Variants in SAYSD1 observed in about 807,000 individuals in gnomAD.
SAYSD1 encodes SAYSvFN domain-containing protein 1.
In SAYSD1, 15 loss-of-function variants were observed where a neutral mutation model predicts 14.5. That is an observed-to-expected ratio of 1.03 (90% CI 0.69 to 1.59). The LOEUF (loss-of-function observed/expected upper bound fraction) is 1.59, where lower values mean the gene tolerates loss of function less well. Ranked by LOEUF, SAYSD1 falls within the 40% of genes most tolerant of loss-of-function variation. SAYSD1 has a pLI of 0.00. For missense variants in SAYSD1, 247 were observed against 227.3 expected (o/e 1.09, Z -0.56); for synonymous variants, 105 against 102.6 (o/e 1.02, Z -0.14).
intron 1 of SAYSD1, among the ~76,000 whole-genome samples, chr6:39,108,369 G>A (rs1769541673): frequency 6.7e-6 from 1 of 149,118 alleles, no homozygotes; most frequent in Non-Finnish European, 1.5e-5. Flanking sequence ...TTTAATTAGG[G>A]GCCTTTATGG....
At chr6:39,111,327 G>A (rs179271) in intron 1 of SAYSD1, 106,504 of 151,808 alleles carry the variant, frequency 0.7, 39,173 homozygotes, top group African/African-American at 0.92. Flanking sequence ...AGGAAGAACA[G>A]GAAAAGCTTG....
chr6:39,107,437 ATTGT>A (rs149216560), intron 1 of SAYSD1, among the ~76,000 whole-genome samples: 8,998 of 152,218 alleles, frequency 0.059, 346 homozygotes, highest in African/African-American at 0.11. Context: ...ATGATGCCAG[ATTGT>A]TTAAGTACCA....
At chr6:39,106,316 T>G (rs1413493313) in intron 1 of SAYSD1, among the ~76,000 whole-genome samples, 3 of 151,274 alleles carry the variant, frequency 2.0e-5, no homozygotes. Context: ...TCACTTGAGC[T>G]CAGGAGTTTG....
intron 1 of SAYSD1, among the ~76,000 whole-genome samples, chr6:39,108,236 C>G (rs1391102282): frequency 6.6e-6 from 1 of 152,120 alleles, no homozygotes. Context: ...CATTATTATT[C>G]CCAACTTACT....
At chr6:39,114,788 T>C in intron 1 of SAYSD1, 95 bp downstream of exon 1, 1 of 1,287,940 alleles carries the variant, frequency 7.8e-7, no homozygotes, top group Non-Finnish European at 1.1e-6. Context: ...TAGCCCCGCC[T>C]CCGGCAGCTA....
intron 1 of SAYSD1, chr6:39,110,366 G>A: frequency 4.8e-6 from 1 of 208,580 alleles, no homozygotes; most frequent in South Asian, 9.8e-5. Flanking sequence ...TGGCCATGTG[G>A]AAGTGGTCAC....
chr6:39,113,558 C>G lies in SAYSD1; in HGVS notation c.207+1325G>C, dbSNP rs1355663653. The G allele has an allele frequency of 2.0e-5, 3 of 152,626 alleles. No homozygotes were observed. The East Asian group carries it at 5.8e-4, about 29-fold the overall frequency. 9.5% of individuals were successfully genotyped at this position (152,626 alleles called of 1,614,324 possible). A position where few individuals can be genotyped will look rare whatever the true frequency, so the allele number is the denominator to read the frequency against. On this transcript the variant is annotated intron_variant, in intron 1 of 1. Transcript: ENST00000229903. ...AATTAACAAGAAACTGGAGGTCCAGCATTTCCTCTCATCCTTTTGTCTGGC... is the reference window on the plus strand; with the variant it reads ...AATTAACAAGAAACTGGAGGTCCAGGATTTCCTCTCATCCTTTTGTCTGGC...
chr6:39,113,370 A>G (rs1206279950), intron 1 of SAYSD1: 1 of 152,700 alleles, frequency 6.5e-6, no homozygotes, highest in African/African-American at 2.4e-5. Context: ...TGTGCCATCA[A>G]AATTGTCTGA....
intron 1 of SAYSD1, chr6:39,109,400 A>C: frequency 6.5e-7 from 1 of 1,549,754 alleles, no homozygotes; most frequent in Non-Finnish European, 8.7e-7. Flanking sequence ...GGTAGTGGGA[A>C]GGAGGATGTA....
In SAYSD1 at chr6:39,105,201, A is replaced by ATTTTTATTATTTTTTTATTATTTATT. The variant is rs1562026799; in HGVS notation, c.*230_*231insAATAAATAATAAAAAAATAATAAAAA. On this transcript the variant is annotated 3_prime_UTR_variant, in exon 2 of 2. Transcript: ENST00000229903. ...CAAACAGGTCTCCCTTCTTGAGTAC[A>ATTTTTATTATTTTTTTATTATTTATT]TAATTTTTATAAATTGCGTCGGACC... 760 of 523,372 alleles carry ATTTTTATTATTTTTTTATTATTTATT rather than the reference A, an allele frequency of 1.5e-3. 7 individuals carry two copies. The highest frequency in any genetic ancestry group is 9.7e-3 in the African/African-American group (509 of 52,232). 32.4% of individuals were successfully genotyped at this position (523,372 alleles called of 1,614,324 possible). A position where few individuals can be genotyped will look rare whatever the true frequency, so the allele number is the denominator to read the frequency against.
At chr6:39,111,886 A>T (rs1562029483) in intron 1 of SAYSD1, 1 of 152,258 alleles carries the variant, frequency 6.6e-6, no homozygotes, top group Non-Finnish European at 1.5e-5. Context: ...AAAAAGTAGA[A>T]TGGAAACAGG....
chr6:39,105,660 G>A lies in SAYSD1; in HGVS notation c.324C>T (p.Leu108=), dbSNP rs1769488221. Residue 108 remains leucine, a synonymous_variant, in exon 2 of 2, where the codon CTC becomes CTT. Coordinates refer to ENST00000229903, the MANE Select transcript of SAYSD1 (RefSeq NM_018322.3). ...CAAACAGTCCCAGCAGGACCAACCA[G>A]AGAAGAACCTTCAAGAAGGTGATAT... ...LTNITFLKVL[L]WLVLLGLFVE... is the part of the protein sequence containing the mutation. The A allele has an allele frequency of 6.2e-7, 1 of 1,614,082 alleles. No homozygotes were observed. Among genetic ancestry groups the A allele is most frequent in the South Asian group, 1.1e-5 (1 of 91,090 alleles).
chr6:39,109,496 C>T (rs1769586589), intron 1 of SAYSD1: 1 of 1,483,902 alleles, frequency 6.7e-7, no homozygotes, highest in Non-Finnish European at 8.9e-7. Flanking sequence ...GGCATCATTG[C>T]AGTCAGAGCT....
rs184234406 is a variant in SAYSD1, at chr6:39,104,317, G to A, written c.*1115C>T. 1 of 152,168 alleles carries A rather than the reference G, an allele frequency of 6.6e-6. No individual in the cohort carries two copies. Among genetic ancestry groups the A allele is most frequent in the Non-Finnish European group, 1.5e-5 (1 of 68,032 alleles). 9.4% of individuals were successfully genotyped at this position (152,168 alleles called of 1,614,324 possible). A position where few individuals can be genotyped will look rare whatever the true frequency, so the allele number is the denominator to read the frequency against. ...AGTAAGGTTAGCCACAAAATGGAAT[G>A]AGAGAAGCCCTAACCCAATGGGAGT... On this transcript the variant is annotated 3_prime_UTR_variant, in exon 2 of 2. Transcript: ENST00000229903.
chr6:39,111,718 G>C (rs1769629137), intron 1 of SAYSD1: 1 of 152,140 alleles, frequency 6.6e-6, no homozygotes, highest in African/African-American at 2.4e-5. Flanking sequence ...TATCCTAATG[G>C]AAGTCCAGAA....
intron 1 of SAYSD1, chr6:39,110,372 G>A: frequency 4.8e-6 from 1 of 208,508 alleles, no homozygotes; most frequent in Non-Finnish European, 1.0e-5. Context: ...TGTGGAAGTG[G>A]TCACTCTCCA....
In SAYSD1 at chr6:39,104,228, T is replaced by A. The variant is rs753185384; in HGVS notation, c.*1204A>T. The A allele has an allele frequency of 2.0e-5, 3 of 152,040 alleles. No individual in the cohort carries two copies. Among genetic ancestry groups the A allele is most frequent in the African/African-American group, 7.3e-5 (3 of 41,324 alleles). The allele number at this position is 152,040 out of a possible 1,614,324, so 9.4% of individuals were successfully genotyped here. On this transcript the variant is annotated 3_prime_UTR_variant, in exon 2 of 2. Transcript: ENST00000229903. ...CTCTGAGGGACAGCCAAACTCCCAA[T>A]GGCCAAAGGGCTGTGAGGAAGGGCA...
rs900073812 is a variant in SAYSD1, at chr6:39,115,061, G to GC, written c.28dup (p.Ala10GlyfsTer48). The GC allele has an allele frequency of 1.9e-6, 3 of 1,609,514 alleles. No individual in the cohort carries two copies. Among genetic ancestry groups the GC allele is most frequent in the Non-Finnish European group, 2.5e-6 (3 of 1,179,780 alleles). On this transcript the variant is annotated frameshift_variant, in exon 1 of 2. Transcript: ENST00000229903. LOFTEE classifies it high-confidence loss of function. ...CGCCAGACCCGCCCGTTTCCGCGCC[G>GC]CCCGAAACTCAGCTAACCGCTGTTC... is the stretch of plus-strand genomic sequence containing the variant.
chr6:39,110,341 T>C (rs906210226), intron 1 of SAYSD1: 1 of 207,146 alleles, frequency 4.8e-6, no homozygotes, highest in East Asian at 1.1e-4. Context: ...CTGCTTTACA[T>C]TTGGCCTGTG....
Sources: allele counts gnomAD v4.1 joint callset (sites outside exome capture counted in the v4.1 genomes callset), GRCh38; gene constraint gnomAD v4.1.1; transcripts MANE v1.5; gene names NCBI Gene and HGNC (gene_info 2026-07-23, HGNC 2026-07-21).